The following ALPK3 variants were observed in gnomAD, a reference collection of about 807,000 sequenced individuals.
The protein encoded by ALPK3 is alpha kinase 3, also known as alpha-protein kinase 3.
A neutral mutation model predicts 140.0 loss-of-function variants in ALPK3; 102 were observed. The ratio of observed to expected loss-of-function variants is 0.73; its 90% confidence interval spans 0.62 to 0.86. ALPK3 has a LOEUF of 0.86. ALPK3 is among the 40% of genes least tolerant of loss of function. The pLI, the probability that ALPK3 is intolerant of heterozygous loss-of-function variation, is 0.00. For synonymous variants in ALPK3, 938 were observed against 898.5 expected (o/e 1.04, Z -0.79); for missense variants, 2,254 against 2,208.2 (o/e 1.02, Z -0.42).
intron 3 of ALPK3, among the ~76,000 whole-genome samples, chr15:84,837,261 A>G (rs903346750): frequency 6.6e-6 from 1 of 152,228 alleles, no homozygotes; most frequent in African/African-American, 2.4e-5. Context: ...GCAGGCTTGT[A>G]CGCTGATGAG....
chr15:84,849,877 G>C (rs951865542), intron 5 of ALPK3, among the ~76,000 whole-genome samples: 1 of 151,008 alleles, frequency 6.6e-6, no homozygotes, highest in Non-Finnish European at 1.5e-5. Flanking sequence ...TAAATCCAAA[G>C]CAAACAGATA....
At chr15:84,844,472 A>G (rs1489848613) in intron 5 of ALPK3, among the ~76,000 whole-genome samples, 1 of 152,226 alleles carries the variant, frequency 6.6e-6, no homozygotes, top group African/African-American at 2.4e-5. Context: ...TTAGACATGA[A>G]TTATAAAATT....
intron 12 of ALPK3, among the ~76,000 whole-genome samples, chr15:84,866,627 TATC>T (rs774894114): frequency 2.6e-5 from 4 of 152,270 alleles, no homozygotes; most frequent in Non-Finnish European, 4.4e-5. Flanking sequence ...GTTTTTTCTC[TATC>T]ATCATTTTGC....
At chr15:84,828,866 C>T (rs529617124) in intron 3 of ALPK3, among the ~76,000 whole-genome samples, 14 of 152,300 alleles carry the variant, frequency 9.2e-5, no homozygotes, top group East Asian at 7.7e-4. Flanking sequence ...TTTTGCTCTC[C>T]GGCATCTGAT....
Position 84,870,267 on chromosome 15 carries a change from C to T in ALPK3, c.*1811C>T, listed in dbSNP as rs1013319110. 6.6e-6 allele frequency: 1 copy of T among 152,228 alleles called. No individual in the cohort carries two copies. Among genetic ancestry groups the T allele is most frequent in the Admixed American group, 6.6e-5 (1 of 15,264 alleles). 9.4% of individuals were successfully genotyped at this position (152,228 alleles called of 1,614,324 possible). ...CCTCCTCTGTGCTCAGGTGACTCCA[C>T]ATCTTCTGCCCCAGTGTGTCCCCAC... On this transcript the variant is annotated 3_prime_UTR_variant, in exon 14 of 14. Coordinates refer to ENST00000258888, the MANE Select transcript of ALPK3 (RefSeq NM_020778.5).
At chr15:84,817,702 G>A in intron 1 of ALPK3, 107 bp downstream of exon 1, 1 of 1,303,814 alleles carries the variant, frequency 7.7e-7, no homozygotes. Context: ...CTGCGCCCTC[G>A]AGCCCTCTCA....
intron 5 of ALPK3, among the ~76,000 whole-genome samples, chr15:84,842,127 G>A (rs1383992991): frequency 2.0e-5 from 3 of 152,164 alleles, no homozygotes; most frequent in Non-Finnish European, 4.4e-5. Flanking sequence ...TCCGGCTCCC[G>A]GGTTCAAGCA....
intron 5 of ALPK3, among the ~76,000 whole-genome samples, chr15:84,845,421 C>T (rs1046853556): frequency 3.9e-5 from 6 of 151,944 alleles, no homozygotes; most frequent in Admixed American, 6.6e-5. Flanking sequence ...GTCCAGATCA[C>T]AGGCTCATGT....
At chr15:84,852,208 G>A (rs1285467048) in intron 5 of ALPK3, among the ~76,000 whole-genome samples, 2 of 152,072 alleles carry the variant, frequency 1.3e-5, no homozygotes, top group Non-Finnish European at 2.9e-5. Context: ...GTGCTTTGGG[G>A]CCATTTATTA....
chr15:84,835,884 T>C (rs1963592434), intron 3 of ALPK3, among the ~76,000 whole-genome samples: 1 of 152,220 alleles, frequency 6.6e-6, no homozygotes, highest in African/African-American at 2.4e-5. Flanking sequence ...GTTGATTCCA[T>C]ACCAGGGACT....
intron 9 of ALPK3, among the ~76,000 whole-genome samples, chr15:84,861,092 A>G (rs1963940018): frequency 6.6e-6 from 1 of 152,218 alleles, no homozygotes; most frequent in Admixed American, 6.5e-5. Context: ...TCAAACATCC[A>G]GTCAGATTTC....
chr15:84,857,919 TC>T lies in ALPK3; in HGVS notation c.3183del (p.Trp1062GlyfsTer15). Reference sequence around the variant, plus strand: ...CCAGGCCCTTGCTGCTGCCCGAGGCTCCTGGGGTCCTGGTCCCAGCTCCCTC... The same window carrying T: ...CCAGGCCCTTGCTGCTGCCCGAGGCTCTGGGGTCCTGGTCCCAGCTCCCTC... ...GRQALAAARG[S>X]WGPGPSSLTV... On this transcript the variant is annotated frameshift_variant, in exon 6 of 14. Transcript: ENST00000258888. LOFTEE classifies it high-confidence loss of function. 6.2e-7 allele frequency: 1 copy of T among 1,610,460 alleles called. No individual in the cohort carries two copies. Among genetic ancestry groups the T allele is most frequent in the Non-Finnish European group, 8.5e-7 (1 of 1,178,880 alleles).
At chr15:84,839,629 G>C (rs1963632615) in intron 4 of ALPK3, 73 bp from the exon 5 acceptor site, 1 of 1,506,972 alleles carries the variant, frequency 6.6e-7, no homozygotes, top group Non-Finnish European at 8.9e-7. Context: ...GCTCTGAACG[G>C]CTCTGGCTGG....
chr15:84,818,701 G>A (rs533323313), intron 1 of ALPK3, among the ~76,000 whole-genome samples: 2 of 152,330 alleles, frequency 1.3e-5, no homozygotes, highest in African/African-American at 4.8e-5. Flanking sequence ...AGTTGGGAAA[G>A]TTCAAATGTA....
chr15:84,826,482 G>A (rs1489580092), intron 2 of ALPK3, among the ~76,000 whole-genome samples: 2 of 152,310 alleles, frequency 1.3e-5, no homozygotes, highest in Non-Finnish European at 2.9e-5. Context: ...GGCCGGGCAC[G>A]GCTTGTGCAC....
chr15:84,850,193 A>C (rs66907169), intron 5 of ALPK3, among the ~76,000 whole-genome samples: 12,133 of 152,060 alleles, frequency 0.08, 542 homozygotes, highest in Non-Finnish European at 0.089. Flanking sequence ...TGCAAAAATG[A>C]CTGCCCTGCC....
intron 3 of ALPK3, among the ~76,000 whole-genome samples, chr15:84,836,773 G>C (rs1221045483): frequency 6.6e-6 from 1 of 152,168 alleles, no homozygotes; most frequent in Non-Finnish European, 1.5e-5. Context: ...GAGTCCATGA[G>C]CATACATATA....
At position 84,840,858 on chromosome 15, in the gene ALPK3, C is replaced by T. The variant is rs369948504; in HGVS notation, c.1579C>T (p.Pro527Ser). The T allele has an allele frequency of 1.2e-6, 2 of 1,613,854 alleles. No homozygotes were observed. The highest frequency in any genetic ancestry group is 1.7e-6 in the Non-Finnish European group (2 of 1,179,938). The change falls in exon 5 of 14, where the codon CCC (proline) becomes TCC (serine). Residue 527 changes from proline to serine, a missense_variant. Pro to Ser is a moderately conservative substitution (Grantham distance 74). Around this residue, in one of 3 missense-constraint regions of ALPK3, gnomAD observed 2,088 missense variants for 2,022.9 expected, o/e 1.03. Coordinates refer to ENST00000258888, the MANE Select transcript of ALPK3 (RefSeq NM_020778.5). The part of the protein sequence containing the change: ...PPQASVQVPT[P>S]PARRRHGTRD... ...TCAGGCCTCTGTGCAGGTGCCGACG[C>T]CCCCTGCCCGGCGGAGACATGGCAC...
intron 3 of ALPK3, among the ~76,000 whole-genome samples, chr15:84,833,678 GGTC>G (rs1295687644): frequency 6.6e-6 from 1 of 152,188 alleles, no homozygotes; most frequent in African/African-American, 2.4e-5. Context: ...CTTTCCTGGT[GGTC>G]AGAACTTAGT....
Sources: gnomAD v4.1 joint callset for allele counts (sites outside exome capture counted in the v4.1 genomes callset) on GRCh38, gnomAD v4.1.1 for gene constraint, gnomAD v4.1.1 regional missense constraint, MANE v1.5 for transcripts, NCBI Gene and HGNC (gene_info 2026-07-23, HGNC 2026-07-21) for gene names.